PBX1: variants seen among roughly 807,000 people sequenced by gnomAD.
PBX1 encodes the protein PBX homeobox 1.
PBX1 carries 6 observed loss-of-function variants against 53.4 expected under a neutral mutation model. That is an observed-to-expected ratio of 0.11 (90% CI 0.06 to 0.22). The LOEUF is 0.22. PBX1 is among the 10% of genes least tolerant of loss of function. The pLI, the probability that PBX1 is intolerant of heterozygous loss-of-function variation, is 1.00. For missense variants in PBX1, 251 were observed against 551.4 expected (o/e 0.46, Z 5.46); for synonymous variants, 204 against 212.3 (o/e 0.96, Z 0.34).
chr1:164,786,619 A>G (rs1668190113), intron 2 of PBX1, among the ~76,000 whole-genome samples: 1 of 151,710 alleles, frequency 6.6e-6, no homozygotes, highest in South Asian at 2.1e-4. Flanking sequence ...CCTTCTTTCC[A>G]TTACTATCTG....
At chr1:164,786,720 T>TGTGTGTGTGCGCGCGCGC (rs1357886882) in intron 2 of PBX1, among the ~76,000 whole-genome samples, 9 of 116,296 alleles carry the variant, frequency 7.7e-5, no homozygotes, top group South Asian at 5.2e-4. Context: ...TGTGTGTGTG[T>TGTGTGTGTGCGCGCGCGC]GCGCGCGCAC....
chr1:164,674,618 A>G (rs968787026), intron 2 of PBX1: 2 of 152,184 alleles, frequency 1.3e-5, no homozygotes, highest in Non-Finnish European at 2.9e-5. Flanking sequence ...ACTAAGTACT[A>G]TTAAGAAGCT....
chr1:164,641,076 A>G (rs1041066658), intron 2 of PBX1: 1 of 152,780 alleles, frequency 6.5e-6, no homozygotes, highest in Non-Finnish European at 1.5e-5. Flanking sequence ...CCATTCTGGG[A>G]CTTTGAGCAG....
chr1:164,748,236 A>G (rs1474889852), intron 2 of PBX1, among the ~76,000 whole-genome samples: 2 of 152,212 alleles, frequency 1.3e-5, no homozygotes, highest in African/African-American at 4.8e-5. Flanking sequence ...ATTGTACAAT[A>G]CAAAAGGTGT....
At position 164,820,110 on chromosome 1, in the gene PBX1, T is replaced by A; in HGVS notation, c.1036T>A (p.Leu346Met). 1 of 1,613,692 alleles carries A rather than the reference T, an allele frequency of 6.2e-7. No homozygotes were observed. The highest frequency in any genetic ancestry group is 8.5e-7 in the Non-Finnish European group (1 of 1,179,722). ...TTTTAACATGTCAAACTCTGGAGAT[T>A]TGTTCATGAGCGTGCAGTCACTCAA... ...SSFNMSNSGD[L>M]FMSVQSLNGD... Residue 346 changes from leucine (L) to methionine (M), a missense_variant, in exon 7 of 9, where the codon TTG (leucine) becomes ATG (methionine). Transcript: ENST00000420696.
chr1:164,861,954 G>A (rs1052586771), intron 2 of PBX1, among the ~76,000 whole-genome samples: 1 of 152,184 alleles, frequency 6.6e-6, no homozygotes, highest in Non-Finnish European at 1.5e-5. Flanking sequence ...ATGGTGAAAG[G>A]GAGGGGCAGA....
chr1:164,849,937 T>C lies in PBX1; in HGVS notation c.*3261T>C, dbSNP rs886761510. ...AACAAAAAAATACTCAACGATTCTTTCAGCTTTATTAACATTTTCCATTGT... is the reference window on the plus strand; with the variant it reads ...AACAAAAAAATACTCAACGATTCTTCCAGCTTTATTAACATTTTCCATTGT... On this transcript the variant is annotated 3_prime_UTR_variant, in exon 9 of 9. Coordinates refer to ENST00000420696, the MANE Select transcript of PBX1 (RefSeq NM_002585.4). 3 of 228,844 alleles carry C rather than the reference T, an allele frequency of 1.3e-5. No individual in the cohort carries two copies. Among genetic ancestry groups the C allele is most frequent in the African/African-American group, 6.6e-5 (3 of 45,142 alleles). The allele number at this position is 228,844 out of a possible 1,614,324, so 14.2% of individuals were successfully genotyped here. A position where few individuals can be genotyped will look rare whatever the true frequency, so the allele number is the denominator to read the frequency against.
At chr1:164,654,101 A>T (rs918607897) in intron 2 of PBX1, among the ~76,000 whole-genome samples, 1 of 152,210 alleles carries the variant, frequency 6.6e-6, no homozygotes, top group African/African-American at 2.4e-5. Context: ...TTGCTGGCAG[A>T]TATTCCGTAA....
chr1:164,688,726 C>T (rs1015190847), intron 2 of PBX1, among the ~76,000 whole-genome samples: 7 of 152,184 alleles, frequency 4.6e-5, no homozygotes, highest in Non-Finnish European at 8.8e-5. Context: ...AATATCTCCC[C>T]TTCTAGGAGA....
chr1:164,848,729 G>A lies in PBX1; in HGVS notation c.*2053G>A. On this transcript the variant is annotated 3_prime_UTR_variant, in exon 9 of 9. Transcript: ENST00000420696. ...TGGTCCCTGTCACATTGACTGCTTG[G>A]GAGGCTTCCAGGGAGAAGTATGAGA... 9.5e-7 allele frequency: 1 copy of A among 1,057,774 alleles called. No individual in the cohort carries two copies. The highest frequency in any genetic ancestry group is 4.6e-5 in the South Asian group (1 of 21,904). 65.5% of individuals were successfully genotyped at this position (1,057,774 alleles called of 1,614,324 possible).
intron 2 of PBX1, among the ~76,000 whole-genome samples, chr1:164,875,654 G>T (rs2102459490): frequency 6.6e-6 from 1 of 152,186 alleles, no homozygotes; most frequent in African/African-American, 2.4e-5. Flanking sequence ...AAACCCTTGA[G>T]CCACCGGCAG....
At position 164,733,884 on chromosome 1, in the gene PBX1, CTATT is replaced by C. The variant is rs923412870; in HGVS notation, c.266-58608_266-58605del. Among the ~76,000 whole-genome samples the C allele has an allele frequency of 4.5e-4, 68 of 152,236 alleles. 1 individual carries two copies. Among genetic ancestry groups the C allele is most frequent in the Admixed American group, 2.0e-3 (30 of 15,302 alleles). ...AGAAAACAACTTTTATGCAATTAAA[CTATT>C]TGTTTTTTAAACAGACCCTTTTGTG... is the stretch of plus-strand genomic sequence containing the variant. On this transcript the variant is annotated intron_variant, in intron 2 of 8. Transcript: ENST00000420696.
At chr1:164,615,999 G>A (rs1657251898) in intron 2 of PBX1, among the ~76,000 whole-genome samples, 1 of 152,152 alleles carries the variant, frequency 6.6e-6, no homozygotes, top group Non-Finnish European at 1.5e-5. Context: ...TGATCACCAT[G>A]GAAATGCCTT....
At chr1:164,603,524 C>T (rs112513537) in intron 2 of PBX1, among the ~76,000 whole-genome samples, 58 of 152,306 alleles carry the variant, frequency 3.8e-4, no homozygotes, top group African/African-American at 1.3e-3. Flanking sequence ...TCCACAGATA[C>T]ATATACAAAT....
chr1:164,766,822 G>T (rs1408326529), intron 2 of PBX1, among the ~76,000 whole-genome samples: 1 of 150,960 alleles, frequency 6.6e-6, no homozygotes, highest in East Asian at 1.9e-4. Context: ...TGCCTCCCGG[G>T]TTCAAGCGAT....
intron 2 of PBX1, among the ~76,000 whole-genome samples, chr1:164,627,046 A>G (rs1658093412): frequency 6.6e-6 from 1 of 152,200 alleles, no homozygotes; most frequent in Admixed American, 6.5e-5. Context: ...CTCCTCCTGC[A>G]TCTCCTTTTG....
In PBX1 at chr1:164,753,248, C is replaced by T. The variant is rs902574677; in HGVS notation, c.266-39246C>T. ...TATTTAATAATTTTAAAAAAGTGCA[C>T]AGCATGTAGTTCTGAGATGTTTTAG... On this transcript the variant is annotated intron_variant, in intron 2 of 8. Coordinates refer to ENST00000420696, the MANE Select transcript of PBX1 (RefSeq NM_002585.4). 2.6e-5 allele frequency among the ~76,000 whole-genome samples: 4 copies of T among 152,156 alleles called. 1 individual carries two copies. The highest frequency in any genetic ancestry group is 2.4e-5 in the African/African-American group (1 of 41,430).
In PBX1 at chr1:164,850,641, A is replaced by G. The variant is rs1354178781; in HGVS notation, c.*3965A>G. On this transcript the variant is annotated 3_prime_UTR_variant, in exon 9 of 9. Transcript: ENST00000420696. ...TAGGCTTGTTCTTCTACTTTGCTTC[A>G]GAATTCAGTTAATGCCAAAAGCGAA... The G allele has an allele frequency of 5.2e-6, 1 of 192,610 alleles. No individual in the cohort carries two copies. The highest frequency in any genetic ancestry group is 1.1e-5 in the Non-Finnish European group (1 of 92,038). The allele number at this position is 192,610 out of a possible 1,614,324, so 11.9% of individuals were successfully genotyped here. A position where few individuals can be genotyped will look rare whatever the true frequency, so the allele number is the denominator to read the frequency against.
intron 8 of PBX1, among the ~76,000 whole-genome samples, chr1:164,827,069 T>C (rs1025472959): frequency 3.5e-4 from 54 of 152,180 alleles, no homozygotes; most frequent in African/African-American, 1.2e-3. Flanking sequence ...AAAAATAGCC[T>C]CCTATTTAAA....
Sources: gnomAD v4.1 joint callset for allele counts (sites outside exome capture counted in the v4.1 genomes callset) on GRCh38, gnomAD v4.1.1 for gene constraint, MANE v1.5 for transcripts, NCBI Gene and HGNC (gene_info 2026-07-23, HGNC 2026-07-21) for gene names.